Variants in MAN2B2 observed in about 807,000 individuals in gnomAD.
MAN2B2 encodes epididymis-specific alpha-mannosidase.
A neutral mutation model predicts 117.1 loss-of-function variants in MAN2B2; 106 were observed. That is an observed-to-expected ratio of 0.90 (90% CI 0.77 to 1.06). MAN2B2 has a LOEUF of 1.06. Among genes scored for constraint, MAN2B2 ranks in the 50% least tolerant of loss-of-function variants. The pLI is 0.00. For synonymous variants in MAN2B2, 544 were observed against 595.1 expected (o/e 0.91, Z 1.25); for missense variants, 1,326 against 1,381.4 (o/e 0.96, Z 0.64).
At chr4:6,614,182 C>T (rs767794268) in intron 15 of MAN2B2, 36 bp from the exon 16 acceptor site, 2 of 1,604,992 alleles carry the variant, frequency 1.2e-6, no homozygotes, top group Middle Eastern at 1.7e-4. Context: ...AGTTGAGCCC[C>T]AAACCCTCTC....
At chr4:6,579,124 T>C (rs535818094) in intron 3 of MAN2B2, among the ~76,000 whole-genome samples, 4,302 of 19,306 alleles carry the variant, frequency 0.22, 167 homozygotes, top group East Asian at 0.36. Context: ...CCATCACCAC[T>C]ACCACCACCA....
intron 15 of MAN2B2, among the ~76,000 whole-genome samples, chr4:6,612,228 G>A (rs1364703126): frequency 6.6e-6 from 1 of 152,240 alleles, no homozygotes; most frequent in African/African-American, 2.4e-5. Context: ...GCCATACACT[G>A]GAGATGCAGA....
chr4:6,594,356 C>G (rs966358591), intron 6 of MAN2B2, among the ~76,000 whole-genome samples, 178 bp from the exon 7 acceptor site: 1 of 152,104 alleles, frequency 6.6e-6, no homozygotes, highest in African/African-American at 2.4e-5. Flanking sequence ...CACTTGAACC[C>G]GGGAGGCGGA....
chr4:6,609,598 C>T (rs935783354), intron 12 of MAN2B2, 200 bp from the exon 13 acceptor site: 30 of 669,978 alleles, frequency 4.5e-5, no homozygotes, highest in Non-Finnish European at 6.8e-5. Flanking sequence ...GGCATGGCAG[C>T]CCTGCGGTGT....
At position 6,621,386 on chromosome 4, in the gene MAN2B2, G is replaced by T. The variant is rs1294894450; in HGVS notation, c.*101G>T. 3.4e-6 allele frequency: 3 copies of T among 887,276 alleles called. No individual in the cohort carries two copies. Among genetic ancestry groups the T allele is most frequent in the African/African-American group, 3.4e-5 (2 of 58,922 alleles). 55.0% of individuals were successfully genotyped at this position (887,276 alleles called of 1,614,324 possible). A position where few individuals can be genotyped will look rare whatever the true frequency, so the allele number is the denominator to read the frequency against. ...AGCAGTGCGGAGGGATGGGACTGGGGAGTCAGCTGCTCATCTGCAGGCTAA... is the reference window on the plus strand; with the variant it reads ...AGCAGTGCGGAGGGATGGGACTGGGTAGTCAGCTGCTCATCTGCAGGCTAA... On this transcript the variant is annotated 3_prime_UTR_variant, in exon 19 of 19. Transcript: ENST00000285599.
In MAN2B2 at chr4:6,598,331, A is replaced by G. The variant is rs952678629; in HGVS notation, c.1382A>G (p.Gln461Arg). 1 of 1,612,890 alleles carries G rather than the reference A, an allele frequency of 6.2e-7. No homozygotes were observed. The highest frequency in any genetic ancestry group is 8.5e-7 in the Non-Finnish European group (1 of 1,179,668). Residue 461 changes from glutamine to arginine, a missense_variant, in exon 9 of 19, where the codon CAG becomes CGG. By Grantham distance (43) the Gln-to-Arg change is conservative. Coordinates refer to ENST00000285599, the MANE Select transcript of MAN2B2 (RefSeq NM_015274.3). ...ASIVLDELQPQAPMAASSDAG... is the reference protein window; with the variant it reads ...ASIVLDELQPRAPMAASSDAG... ...ATCGTCCTAGATGAGCTCCAGCCCC[A>G]GGCACCCATGGCGGCCAGCTCCGGT...
intron 3 of MAN2B2, 22 bp downstream of exon 3, chr4:6,578,520 C>T: frequency 1.3e-6 from 2 of 1,591,020 alleles, no homozygotes; most frequent in East Asian, 4.5e-5. Context: ...CTACCCTGCA[C>T]CCAGGGTCCC....
intron 9 of MAN2B2, among the ~76,000 whole-genome samples, chr4:6,598,765 G>A (rs1727207688): frequency 6.6e-6 from 1 of 152,216 alleles, no homozygotes; most frequent in Non-Finnish European, 1.5e-5. Context: ...AGCAGGGATT[G>A]AACCTGAACA....
chr4:6,614,848 G>A (rs181711679), intron 16 of MAN2B2, among the ~76,000 whole-genome samples: 68 of 152,370 alleles, frequency 4.5e-4, no homozygotes, highest in African/African-American at 1.6e-3. Flanking sequence ...CTGGCTTTCT[G>A]AGCGCTTGGT....
At chr4:6,602,956 A>G (rs4481291) in intron 10 of MAN2B2, among the ~76,000 whole-genome samples, 75,681 of 151,978 alleles carry the variant, frequency 0.5, 19,029 homozygotes, top group East Asian at 0.64. Context: ...AATTACAGGC[A>G]TGAGCCACCA....
chr4:6,581,401 A>G (rs1039520019), intron 3 of MAN2B2, among the ~76,000 whole-genome samples: 1 of 152,160 alleles, frequency 6.6e-6, no homozygotes, highest in Non-Finnish European at 1.5e-5. Context: ...ATATATATGC[A>G]GTAGGTAACA....
chr4:6,619,771 G>A, intron 17 of MAN2B2, 156 bp from the exon 18 acceptor site: 1 of 667,370 alleles, frequency 1.5e-6, no homozygotes, highest in South Asian at 1.7e-5. Flanking sequence ...GATGTGCTGT[G>A]AGAAGCAGAT....
intron 3 of MAN2B2, 80 bp downstream of exon 3, chr4:6,578,578 C>A (rs1726160526): frequency 8.3e-7 from 1 of 1,208,154 alleles, no homozygotes; most frequent in Non-Finnish European, 1.2e-6. Context: ...CCCCCAGGTT[C>A]TGAGCTCTGT....
At position 6,621,463 on chromosome 4, in the gene MAN2B2, A is replaced by T; in HGVS notation, c.*178A>T. On this transcript the variant is annotated 3_prime_UTR_variant, in exon 19 of 19. Coordinates refer to ENST00000285599, the MANE Select transcript of MAN2B2 (RefSeq NM_015274.3). Reference sequence around the variant, plus strand: ...TTTTCCCTAATTTTTTTAAACAAAAATTACATTACAAGATCCAGGTTCTTC... The same window carrying T: ...TTTTCCCTAATTTTTTTAAACAAAATTTACATTACAAGATCCAGGTTCTTC... The T allele has an allele frequency of 1.7e-6, 1 of 571,638 alleles. No homozygotes were observed. The highest frequency in any genetic ancestry group is 2.3e-5 in the South Asian group (1 of 44,002). The allele number at this position is 571,638 out of a possible 1,614,324, so 35.4% of individuals were successfully genotyped here. A position where few individuals can be genotyped will look rare whatever the true frequency, so the allele number is the denominator to read the frequency against.
intron 11 of MAN2B2, among the ~76,000 whole-genome samples, chr4:6,606,802 A>C (rs982327404): frequency 1.3e-5 from 2 of 152,176 alleles, no homozygotes; most frequent in African/African-American, 4.8e-5. Context: ...CGAAGGGCAT[A>C]GGGGAGGTTG....
intron 10 of MAN2B2, 96 bp from the exon 11 acceptor site, chr4:6,604,958 GA>G: frequency 1.4e-6 from 2 of 1,405,314 alleles, no homozygotes; most frequent in Non-Finnish European, 1.9e-6. Context: ...GGATCCGAGA[GA>G]TGGAAAGACA....
At position 6,598,285 on chromosome 4, in the gene MAN2B2, A is replaced by G. The variant is rs2301790; in HGVS notation, c.1336A>G (p.Met446Val). 0.48 allele frequency: 768,946 copies of G among 1,613,170 alleles called. 185,105 individuals are homozygous for G. Among genetic ancestry groups the G allele is most frequent in the East Asian group, 0.66 (29,801 of 44,858 alleles). Residue 446 changes from methionine to valine, a missense_variant, in exon 9 of 19, where the codon ATG (methionine) becomes GTG (valine). Coordinates refer to ENST00000285599, the MANE Select transcript of MAN2B2 (RefSeq NM_015274.3). ...GCACCTGGCCTCGGGGATGCTGGGC[A>G]TGCGCAAGCTGATGGCCTCCATCGT... is the stretch of plus-strand genomic sequence containing the variant. Reference protein sequence around the residue: ...ATHLASGMLGMRKLMASIVLD... With the variant: ...ATHLASGMLGVRKLMASIVLD...
At chr4:6,599,507 C>CA (rs1360819499) in intron 9 of MAN2B2, among the ~76,000 whole-genome samples, 1 of 150,790 alleles carries the variant, frequency 6.6e-6, no homozygotes, top group Non-Finnish European at 1.5e-5. Flanking sequence ...CTAAAAATAC[C>CA]AAAAAAATGA....
At chr4:6,585,305 G>C (rs1185090559) in intron 3 of MAN2B2, among the ~76,000 whole-genome samples, 2 of 152,178 alleles carry the variant, frequency 1.3e-5, no homozygotes, top group Non-Finnish European at 2.9e-5. Flanking sequence ...AAGTTCATCA[G>C]TGAAAGGCAG....
Sources: gnomAD v4.1 joint callset for allele counts (sites outside exome capture counted in the v4.1 genomes callset) on GRCh38, gnomAD v4.1.1 for gene constraint, MANE v1.5 for transcripts, NCBI Gene and HGNC (gene_info 2026-07-23, HGNC 2026-07-21) for gene names.